HMGCLL1: variants seen among roughly 807,000 people sequenced by gnomAD.
HMGCLL1 encodes the protein 3-hydroxy-3-methylglutaryl-CoA lyase like 1.
Under a neutral mutation model 39.1 loss-of-function variants are expected in HMGCLL1, and 36 were observed. The ratio of observed to expected loss-of-function variants is 0.92; its 90% CI spans 0.71 to 1.22. HMGCLL1 has a LOEUF of 1.22. Among genes scored for constraint, HMGCLL1 ranks in the 50% most tolerant of loss-of-function variants. HMGCLL1 has a pLI of 0.00. For synonymous variants in HMGCLL1, 149 were observed against 144.0 expected (o/e 1.03, Z -0.25); for missense variants, 451 against 416.5 (o/e 1.08, Z -0.72).
At chr6:55,502,854 GATGTT>G (rs964616604) in intron 5 of HMGCLL1, among the ~76,000 whole-genome samples, 8 of 151,582 alleles carry the variant, frequency 5.3e-5, no homozygotes, top group South Asian at 2.1e-4. Context: ...CATCCACAAA[GATGTT>G]ATATCTTTTT....
At chr6:55,599,817 A>C in the HMGCLL1 span, among the ~76,000 whole-genome samples, 1 of 152,158 alleles carries the variant, frequency 6.6e-6, no homozygotes, top group Admixed American at 6.6e-5. Context: ...GTGAAAACAA[A>C]TGTACTGCCA....
intron 1 of HMGCLL1, among the ~76,000 whole-genome samples, chr6:55,567,423 C>G (rs865876515): frequency 4.0e-5 from 6 of 151,876 alleles, no homozygotes; most frequent in African/African-American, 7.3e-5. Flanking sequence ...TGAATAACTC[C>G]CATGATTTTG....
the HMGCLL1 span, among the ~76,000 whole-genome samples, chr6:55,609,619 CA>C: frequency 6.6e-6 from 1 of 150,482 alleles, no homozygotes; most frequent in African/African-American, 2.5e-5. Flanking sequence ...GGAAGCTGGG[CA>C]ACCCTGACAA....
the HMGCLL1 span, among the ~76,000 whole-genome samples, chr6:55,629,441 A>G: frequency 3.9e-5 from 6 of 152,222 alleles, no homozygotes; most frequent in Non-Finnish European, 8.8e-5. Flanking sequence ...GAAGCAGAGC[A>G]TAAAAGTTCA....
chr6:55,507,386 T>A (rs1303134562), intron 5 of HMGCLL1, among the ~76,000 whole-genome samples: 1 of 151,664 alleles, frequency 6.6e-6, no homozygotes, highest in East Asian at 1.9e-4. Flanking sequence ...CAATTCTAAA[T>A]GGGACCTGCA....
At chr6:55,564,425 T>C (rs557632695) in intron 1 of HMGCLL1, among the ~76,000 whole-genome samples, 1 of 152,246 alleles carries the variant, frequency 6.6e-6, no homozygotes, top group African/African-American at 2.4e-5. Context: ...AGTTTTAGGG[T>C]ACATGTGCAC....
At chr6:55,487,896 G>C (rs925509614) in intron 7 of HMGCLL1, among the ~76,000 whole-genome samples, 28 of 151,952 alleles carry the variant, frequency 1.8e-4, no homozygotes, top group African/African-American at 6.8e-4. Context: ...TATCTCCTCT[G>C]GGTTATTATG....
intron 7 of HMGCLL1, among the ~76,000 whole-genome samples, chr6:55,492,434 C>A (rs1766362966): frequency 6.6e-6 from 1 of 152,186 alleles, no homozygotes; most frequent in Admixed American, 6.5e-5. Flanking sequence ...CCACTCAGGA[C>A]CAGTCCACGT....
the HMGCLL1 span, among the ~76,000 whole-genome samples, chr6:55,633,144 G>A: frequency 6.6e-6 from 1 of 152,044 alleles, no homozygotes; most frequent in Non-Finnish European, 1.5e-5. Flanking sequence ...TGACTCACTA[G>A]CCCACACCAG....
the HMGCLL1 span, among the ~76,000 whole-genome samples, chr6:55,614,360 A>G: frequency 4.6e-5 from 7 of 152,116 alleles, no homozygotes; most frequent in Non-Finnish European, 1.5e-5. Context: ...TAAGGATATA[A>G]TAAGAAGCAC....
the HMGCLL1 span, among the ~76,000 whole-genome samples, chr6:55,648,653 A>G: frequency 1.7e-5 from 1 of 58,070 alleles, no homozygotes; most frequent in Non-Finnish European, 3.3e-5. Context: ...ACACTCTCCC[A>G]AGACTAAACC....
chr6:55,563,097 A>G (rs1163455902), intron 1 of HMGCLL1, among the ~76,000 whole-genome samples: 4 of 152,098 alleles, frequency 2.6e-5, no homozygotes, highest in Admixed American at 6.6e-5. Flanking sequence ...GTGTATATGC[A>G]CACACGGTGA....
chr6:55,476,122 C>T (rs1765273847), intron 7 of HMGCLL1, among the ~76,000 whole-genome samples: 1 of 151,634 alleles, frequency 6.6e-6, no homozygotes, highest in Non-Finnish European at 1.5e-5. Context: ...TGCACACACA[C>T]AGATCTGCTG....
intron 3 of HMGCLL1, among the ~76,000 whole-genome samples, chr6:55,528,859 C>T (rs4388287): frequency 0.65 from 98,295 of 151,596 alleles, 32,150 homozygotes; most frequent in Admixed American, 0.71. Flanking sequence ...GTGACCAAAA[C>T]AGGAAGCATA....
the HMGCLL1 span, among the ~76,000 whole-genome samples, chr6:55,666,490 A>AG: frequency 1.5e-4 from 23 of 151,748 alleles, no homozygotes; most frequent in African/African-American, 5.6e-4. Context: ...AGAAAAAAAA[A>AG]TTACATGTTA....
At chr6:55,477,291 A>ATTATAT (rs1765430705) in intron 7 of HMGCLL1, among the ~76,000 whole-genome samples, 2 of 10,106 alleles carry the variant, frequency 2.0e-4, no homozygotes, top group Non-Finnish European at 2.7e-4. Context: ...TATTATATAT[A>ATTATAT]AAATAATATA....
chr6:55,515,412 T>A (rs2127437239), intron 4 of HMGCLL1, among the ~76,000 whole-genome samples: 1 of 152,320 alleles, frequency 6.6e-6, no homozygotes, highest in African/African-American at 2.4e-5. Context: ...TATTTGTCTG[T>A]ACTGTTTTTA....
the HMGCLL1 span, among the ~76,000 whole-genome samples, chr6:55,610,195 A>G: frequency 6.6e-6 from 1 of 152,124 alleles, no homozygotes; most frequent in African/African-American, 2.4e-5. Context: ...AGATGAATTG[A>G]CAGAAGTAGG....
chr6:55,575,798 G>A (rs1025079420), intron 1 of HMGCLL1, among the ~76,000 whole-genome samples: 1 of 152,064 alleles, frequency 6.6e-6, no homozygotes, highest in Non-Finnish European at 1.5e-5. Flanking sequence ...TTCATCGATT[G>A]GTGCTAAGAT....
Sources: allele counts gnomAD v4.1 joint callset (sites outside exome capture counted in the v4.1 genomes callset), GRCh38; gene constraint gnomAD v4.1.1; transcripts MANE v1.5; gene names NCBI Gene and HGNC (gene_info 2026-07-23, HGNC 2026-07-21).